The following PDE1C variants were observed in gnomAD, a reference collection of about 807,000 sequenced individuals.
The protein encoded by PDE1C is dual specificity calcium/calmodulin-dependent 3',5'-cyclic nucleotide phosphodiesterase 1C.
In PDE1C, 62 loss-of-function variants were observed where a neutral mutation model predicts 93.1. That is an observed-to-expected ratio of 0.67 (90% CI 0.54 to 0.82). PDE1C has a LOEUF of 0.82. Ranked by LOEUF, PDE1C falls within the 40% of genes least tolerant of loss-of-function variation. The pLI is 0.00. For missense variants in PDE1C, 742 were observed against 884.6 expected (o/e 0.84, Z 2.04); for synonymous variants, 325 against 310.1 (o/e 1.05, Z -0.50).
In PDE1C at chr7:31,968,862, C is replaced by G. The variant is rs377583125; in HGVS notation, c.128+82692G>C. Among the ~76,000 whole-genome samples, 1,122 of 152,188 alleles carry G rather than the reference C, an allele frequency of 7.4e-3. 16 individuals are homozygous for G. Among genetic ancestry groups the G allele is most frequent in the African/African-American group, 0.025 (1,048 of 41,516 alleles). On this transcript the variant is annotated intron_variant, in intron 2 of 17. Coordinates refer to ENST00000396191, the MANE Select transcript of PDE1C (RefSeq NM_001191057.4). ...ACTATCTGATCTTTGACAAACCTGACAAAAACAAGCAATGGGGAAAGGATT... is the reference window on the plus strand; with the variant it reads ...ACTATCTGATCTTTGACAAACCTGAGAAAAACAAGCAATGGGGAAAGGATT...
chr7:31,862,961 TTGTGAAATACCTATTTTACATGA>T (rs1794855472), intron 7 of PDE1C, among the ~76,000 whole-genome samples: 1 of 152,192 alleles, frequency 6.6e-6, no homozygotes, highest in Admixed American at 6.5e-5. Context: ...TTTTCTAAGG[TTGTGAAATACCTATTTTACATGA>T]ATTTCAGATT....
intron 3 of PDE1C, among the ~76,000 whole-genome samples, chr7:32,133,556 A>G (rs1287777971): frequency 1.3e-5 from 2 of 152,194 alleles, no homozygotes. Flanking sequence ...AATTTAGCCC[A>G]AATGTCTGGA....
At chr7:31,969,177 A>T (rs1282866340) in intron 2 of PDE1C, among the ~76,000 whole-genome samples, 1 of 152,220 alleles carries the variant, frequency 6.6e-6, no homozygotes, top group East Asian at 1.9e-4. Context: ...TGCACAGCAA[A>T]ATAAACTACC....
intron 1 of PDE1C, among the ~76,000 whole-genome samples, chr7:32,065,663 C>T (rs1795317452): frequency 6.6e-6 from 1 of 152,082 alleles, no homozygotes; most frequent in African/African-American, 2.4e-5. Flanking sequence ...TCCCATGTTG[C>T]CTGAACACTA....
rs80230575 is a variant in PDE1C, at chr7:31,973,489, A to G, written c.128+78065T>C. The stretch of plus-strand genomic sequence containing the variant: ...AAGTCAAAGTTTGATGTTATTTTTC[A>G]CTGAGAAAACTTTGCATAACAACAG... On this transcript the variant is annotated intron_variant, in intron 2 of 17. Transcript: ENST00000396191. Among the ~76,000 whole-genome samples the G allele has an allele frequency of 4.6e-5, 7 of 152,306 alleles. No individual in the cohort carries two copies. The East Asian group carries it at 1.3e-3, about 29-fold the overall frequency.
At chr7:31,868,345 T>C (rs1036419508) in intron 6 of PDE1C, among the ~76,000 whole-genome samples, 2 of 152,076 alleles carry the variant, frequency 1.3e-5, no homozygotes, top group African/African-American at 4.8e-5. Context: ...ACCAAAGAGA[T>C]AGCTATCATA....
intron 2 of PDE1C, among the ~76,000 whole-genome samples, chr7:31,987,360 G>T (rs1255245283): frequency 6.6e-6 from 1 of 152,176 alleles, no homozygotes; most frequent in Non-Finnish European, 1.5e-5. Context: ...ATCAGGACAG[G>T]ATGAGGGCCC....
intron 1 of PDE1C, among the ~76,000 whole-genome samples, chr7:32,412,900 A>G (rs966949514): frequency 6.9e-6 from 1 of 145,866 alleles, no homozygotes; most frequent in African/African-American, 2.8e-5. Context: ...TAAGACTAAC[A>G]TAGCACGGAA....
At chr7:32,256,246 G>A (rs942696727) in intron 1 of PDE1C, among the ~76,000 whole-genome samples, 5 of 152,202 alleles carry the variant, frequency 3.3e-5, no homozygotes, top group Non-Finnish European at 5.9e-5. Context: ...TTTTTCTGAA[G>A]TGCGTAGATG....
chr7:32,204,117 G>T (rs770529668), intron 2 of PDE1C, among the ~76,000 whole-genome samples: 1 of 152,106 alleles, frequency 6.6e-6, no homozygotes, highest in Non-Finnish European at 1.5e-5. Context: ...TCTGATAAAC[G>T]AGAGGGCCCC....
the PDE1C span, among the ~76,000 whole-genome samples, chr7:31,635,612 T>G: frequency 2.6e-5 from 4 of 152,206 alleles, no homozygotes; most frequent in African/African-American, 9.6e-5. Context: ...TTCTACCTTT[T>G]AGGGACCCTT....
the PDE1C span, among the ~76,000 whole-genome samples, chr7:31,711,733 C>T: frequency 6.6e-6 from 1 of 152,126 alleles, no homozygotes; most frequent in Non-Finnish European, 1.5e-5. Context: ...TCTTCCCTCG[C>T]CCCACTCCAT....
At chr7:31,770,917 T>C (rs191176893) in intron 17 of PDE1C, among the ~76,000 whole-genome samples, 124 of 152,392 alleles carry the variant, frequency 8.1e-4, no homozygotes, top group African/African-American at 3.0e-3. Flanking sequence ...ACTTTTCCAC[T>C]GTGTTCTACC....
chr7:31,689,978 T>A, the PDE1C span, among the ~76,000 whole-genome samples: 2 of 152,310 alleles, frequency 1.3e-5, no homozygotes, highest in African/African-American at 2.4e-5. Flanking sequence ...ATAGACAAGA[T>A]GAGCTATGCT....
At chr7:31,648,038 T>G in the PDE1C span, among the ~76,000 whole-genome samples, 5 of 152,188 alleles carry the variant, frequency 3.3e-5, no homozygotes, top group Non-Finnish European at 7.3e-5. Context: ...AATTTGTTAA[T>G]TTTAAAAAGT....
chr7:31,773,810 G>T lies in PDE1C; in HGVS notation c.1960+1854C>A, dbSNP rs145119001. On this transcript the variant is annotated intron_variant, in intron 17 of 17. Transcript: ENST00000396191. ...CCTTGGCAGCACTGGGGGCAGAAAG[G>T]AATAAGACAGTCCTCATCATGGAAA... 4.0e-3 allele frequency among the ~76,000 whole-genome samples: 609 copies of T among 152,232 alleles called. 1 individual carries two copies. Among genetic ancestry groups the T allele is most frequent in the Non-Finnish European group, 7.2e-3 (491 of 68,006 alleles).
intron 1 of PDE1C, among the ~76,000 whole-genome samples, chr7:32,418,632 G>A (rs1477772662): frequency 1.3e-5 from 2 of 152,110 alleles, no homozygotes; most frequent in Non-Finnish European, 1.5e-5. Context: ...TCAGAACAGA[G>A]GCTTTATTTT....
chr7:31,880,670 G>A, intron 3 of PDE1C, 77 bp downstream of exon 3: 1 of 814,262 alleles, frequency 1.2e-6, no homozygotes, highest in Non-Finnish European at 2.1e-6. Context: ...TCCTGGCATG[G>A]GGGACAATTT....
Position 32,409,541 on chromosome 7 carries a change from TTAAAG to T in PDE1C, c.310+18276_310+18280del, listed in dbSNP as rs1380053062. Among the ~76,000 whole-genome samples, 6 of 151,928 alleles carry T rather than the reference TTAAAG, an allele frequency of 3.9e-5. No homozygotes were observed. In the South Asian group the frequency reaches 1.0e-3, roughly 26 times the overall value. ...TTAAGCAATAGAATGCAACAGAACA[TTAAAG>T]TAATTTAAAAAAAATCATATCCAAG... On this transcript the variant is annotated intron_variant, in intron 1 of 1. Transcript: ENST00000672256.
Sources: allele counts gnomAD v4.1 joint callset (sites outside exome capture counted in the v4.1 genomes callset), GRCh38; gene constraint gnomAD v4.1.1; transcripts MANE v1.5; gene names NCBI Gene and HGNC (gene_info 2026-07-23, HGNC 2026-07-21).